PRKACB: variants seen among roughly 807,000 people sequenced by gnomAD.
PRKACB encodes protein kinase cAMP-activated catalytic subunit beta.
PRKACB carries 16 observed loss-of-function variants against 51.4 expected under a neutral mutation model. The ratio of observed to expected loss-of-function variants is 0.31; its 90% CI spans 0.21 to 0.47. The LOEUF (loss-of-function observed/expected upper bound fraction) is 0.47, where lower values mean the gene tolerates loss of function less well. Ranked by LOEUF, PRKACB falls within the 20% of genes least tolerant of loss-of-function variation. The pLI, the probability that PRKACB is intolerant of heterozygous loss-of-function variation, is 1.00. For missense variants in PRKACB, 309 were observed against 464.5 expected, an observed-to-expected ratio of 0.67 and a Z score of 3.08; for synonymous variants, 147 against 154.4, an observed-to-expected ratio of 0.95 and a Z score of 0.35.
intron 1 of PRKACB, among the ~76,000 whole-genome samples, chr1:84,160,915 T>G (rs1656104118): frequency 1.3e-5 from 2 of 151,918 alleles, no homozygotes; most frequent in African/African-American, 4.8e-5. Context: ...ATATGTAGAA[T>G]ATCCATGTGT....
At chr1:84,179,326 T>G (rs1662424542) in intron 2 of PRKACB, 88 bp downstream of exon 2, 7 of 1,389,726 alleles carry the variant, frequency 5.0e-6, no homozygotes, top group Non-Finnish European at 5.7e-6. Flanking sequence ...ACTTTAGAAA[T>G]TTTAATTTTC....
At chr1:84,119,264 A>T (rs142501272) in intron 1 of PRKACB, among the ~76,000 whole-genome samples, 1 of 152,254 alleles carries the variant, frequency 6.6e-6, no homozygotes, top group African/African-American at 2.4e-5. Context: ...AATATCATAG[A>T]AGAGCATCTA....
intron 1 of PRKACB, among the ~76,000 whole-genome samples, chr1:84,088,365 C>G (rs1235761225): frequency 1.3e-5 from 2 of 152,096 alleles, no homozygotes; most frequent in Non-Finnish European, 2.9e-5. Flanking sequence ...TGGACTTTGT[C>G]CTTAGAAAAT....
intron 1 of PRKACB, among the ~76,000 whole-genome samples, chr1:84,104,896 T>C (rs992627810): frequency 2.0e-5 from 3 of 152,168 alleles, no homozygotes; most frequent in African/African-American, 7.2e-5. Context: ...GTACCTTGCA[T>C]CTACTAGTTG....
intron 1 of PRKACB, among the ~76,000 whole-genome samples, chr1:84,107,535 TAAAC>T (rs1002019958): frequency 2.0e-5 from 3 of 152,072 alleles, no homozygotes; most frequent in African/African-American, 4.8e-5. Context: ...ATCAACAGAA[TAAAC>T]AAACAACCTA....
chr1:84,203,165 C>A (rs901769644), intron 8 of PRKACB, among the ~76,000 whole-genome samples: 8 of 152,028 alleles, frequency 5.3e-5, no homozygotes, highest in South Asian at 2.1e-4. Context: ...TATGCCCTTC[C>A]ATTTTCAGGA....
At chr1:84,213,150 A>G (rs537548845) in intron 8 of PRKACB, among the ~76,000 whole-genome samples, 2 of 152,224 alleles carry the variant, frequency 1.3e-5, no homozygotes, top group Admixed American at 6.5e-5. Flanking sequence ...AATAATCCAG[A>G]TATGTATACA....
At chr1:84,190,370 C>T (rs1370958809) in intron 5 of PRKACB, among the ~76,000 whole-genome samples, 1 of 151,674 alleles carries the variant, frequency 6.6e-6, no homozygotes, top group African/African-American at 2.4e-5. Context: ...CTAATTTATT[C>T]ATTTTTATTA....
At chr1:84,155,779 G>A (rs1290922923) in intron 1 of PRKACB, among the ~76,000 whole-genome samples, 1 of 152,138 alleles carries the variant, frequency 6.6e-6, no homozygotes, top group Non-Finnish European at 1.5e-5. Context: ...TATTTAACAA[G>A]TATGGCTCAC....
At chr1:84,210,207 A>G (rs780411244) in intron 8 of PRKACB, among the ~76,000 whole-genome samples, 10 of 152,202 alleles carry the variant, frequency 6.6e-5, no homozygotes, top group Non-Finnish European at 1.0e-4. Context: ...AATCAGAAGT[A>G]ATATGGTCTC....
At chr1:84,159,040 TTAAGG>T (rs1200560131) in intron 1 of PRKACB, among the ~76,000 whole-genome samples, 1 of 152,116 alleles carries the variant, frequency 6.6e-6, no homozygotes, top group African/African-American at 2.4e-5. Context: ...TACTAAAACT[TTAAGG>T]TAAGTTTTGA....
chr1:84,160,035 G>A (rs1441291877), intron 1 of PRKACB, among the ~76,000 whole-genome samples: 1 of 152,032 alleles, frequency 6.6e-6, no homozygotes, highest in East Asian at 1.9e-4. Context: ...TTGGTCTGTG[G>A]TTTTCGTTTG....
chr1:84,179,724 G>A (rs549658810), intron 2 of PRKACB, among the ~76,000 whole-genome samples: 7 of 151,924 alleles, frequency 4.6e-5, no homozygotes, highest in Admixed American at 6.6e-5. Flanking sequence ...TCTAAAAACT[G>A]TATATAAAAA....
At position 84,082,180 on chromosome 1, in the gene PRKACB, C is replaced by G. The variant is rs1647590096; in HGVS notation, c.46+3809C>G. ...GCTTAAGGTTGCATAGCTAGTAAGT[C>G]AAGAAGCAACATTTAAGTTGAGGCA... On this transcript the variant is annotated intron_variant, in intron 1 of 8. Transcript: ENST00000370688. Among the ~76,000 whole-genome samples the G allele has an allele frequency of 2.0e-5, 3 of 152,156 alleles. No individual in the cohort carries two copies. The South Asian group carries it at 6.2e-4, about 32-fold the overall frequency.
chr1:84,231,822 T>A (rs1675718272), intron 9 of PRKACB, among the ~76,000 whole-genome samples: 2 of 152,158 alleles, frequency 1.3e-5, no homozygotes, highest in Non-Finnish European at 2.9e-5. Flanking sequence ...TTTTTCTTTA[T>A]TAGTCTTGCT....
intron 8 of PRKACB, among the ~76,000 whole-genome samples, chr1:84,207,715 CTAGT>C (rs1477788972): frequency 6.6e-6 from 1 of 152,102 alleles, no homozygotes; most frequent in African/African-American, 2.4e-5. Context: ...GATAATGTTA[CTAGT>C]TAAATGATCA....
At chr1:84,181,494 T>C (rs1288056037) in intron 2 of PRKACB, among the ~76,000 whole-genome samples, 5 of 152,058 alleles carry the variant, frequency 3.3e-5, no homozygotes, top group Admixed American at 3.3e-4. Context: ...CAAAGATGTT[T>C]CCTTATAACA....
At chr1:84,182,967 C>A (rs41300530) in intron 3 of PRKACB, among the ~76,000 whole-genome samples, 1,826 of 152,130 alleles carry the variant, frequency 0.012, 17 homozygotes, top group South Asian at 0.019. Flanking sequence ...GATTTGAAAT[C>A]ATCTCAAGTC....
chr1:84,175,636 A>G (rs1039871860), intron 1 of PRKACB, among the ~76,000 whole-genome samples: 1 of 151,740 alleles, frequency 6.6e-6, no homozygotes, highest in East Asian at 1.9e-4. Context: ...TGATTTTTAA[A>G]CTATGTTCTA....
Sources: gnomAD v4.1 joint callset for allele counts (sites outside exome capture counted in the v4.1 genomes callset) on GRCh38, gnomAD v4.1.1 for gene constraint, MANE v1.5 for transcripts, NCBI Gene and HGNC (gene_info 2026-07-23, HGNC 2026-07-21) for gene names.